VTA1: variants seen among roughly 807,000 people sequenced by gnomAD.
VTA1 encodes the protein vacuolar protein sorting-associated protein VTA1 homolog.
In VTA1, 24 loss-of-function variants were observed where a neutral mutation model predicts 36.9. That is an observed-to-expected ratio of 0.65 (90% CI 0.47 to 0.91). The LOEUF is 0.91. Among genes scored for constraint, VTA1 ranks in the 40% least tolerant of loss-of-function variants. The pLI is 0.00. For synonymous variants in VTA1, 142 were observed against 130.2 expected (o/e 1.09, Z -0.62); for missense variants, 393 against 377.2 (o/e 1.04, Z -0.35).
At chr6:142,164,554 A>T (rs768825040) in intron 1 of VTA1, among the ~76,000 whole-genome samples, 1 of 152,328 alleles carries the variant, frequency 6.6e-6, no homozygotes, top group Non-Finnish European at 1.5e-5. Flanking sequence ...CACAGATATG[A>T]TAAATAGGTA....
chr6:142,151,126 T>C lies in VTA1; in HGVS notation c.112+3727T>C, dbSNP rs543322437. 6.3e-4 allele frequency among the ~76,000 whole-genome samples: 96 copies of C among 152,218 alleles called. 1 individual carries two copies. Among genetic ancestry groups the C allele is most frequent in the African/African-American group, 2.1e-3 (86 of 41,526 alleles). On this transcript the variant is annotated intron_variant, in intron 1 of 7. Coordinates refer to ENST00000367630, the MANE Select transcript of VTA1 (RefSeq NM_016485.5). Reference sequence around the variant, plus strand: ...AGTTATTCTGCGATATTAGCAGCCATTGTTAGGTCATCTTGGATTTTATCA... The same window carrying C: ...AGTTATTCTGCGATATTAGCAGCCACTGTTAGGTCATCTTGGATTTTATCA...
intron 7 of VTA1, among the ~76,000 whole-genome samples, chr6:142,210,559 A>C (rs548400689): frequency 1.1e-4 from 16 of 152,346 alleles, no homozygotes; most frequent in African/African-American, 3.8e-4. Flanking sequence ...CAGAATATAT[A>C]AGGAACTCAG....
chr6:142,149,710 T>C (rs948522298), intron 1 of VTA1, among the ~76,000 whole-genome samples: 1 of 152,212 alleles, frequency 6.6e-6, no homozygotes, highest in Non-Finnish European at 1.5e-5. Context: ...AAAAATGTTA[T>C]CAATCATTGT....
At chr6:142,193,321 C>G (rs911829230) in intron 5 of VTA1, among the ~76,000 whole-genome samples, 4 of 152,072 alleles carry the variant, frequency 2.6e-5, no homozygotes, top group African/African-American at 7.2e-5. Context: ...GTTAACTGAT[C>G]ACTTGGGTAA....
At chr6:142,215,087 T>C (rs190315546) in intron 7 of VTA1, among the ~76,000 whole-genome samples, 2 of 152,328 alleles carry the variant, frequency 1.3e-5, no homozygotes, top group African/African-American at 4.8e-5. Flanking sequence ...TGTTTACTTT[T>C]TTACTTTTAC....
At chr6:142,184,448 C>T (rs971715541) in intron 4 of VTA1, among the ~76,000 whole-genome samples, 5 of 152,140 alleles carry the variant, frequency 3.3e-5, no homozygotes, top group East Asian at 3.8e-4. Flanking sequence ...TCAGTTATTG[C>T]GTGGTTTCAC....
intron 4 of VTA1, among the ~76,000 whole-genome samples, chr6:142,181,233 A>C (rs1342785600): frequency 6.9e-6 from 1 of 145,916 alleles, no homozygotes; most frequent in East Asian, 2.0e-4. Flanking sequence ...TCCCGGGTTC[A>C]TGCCATTCTC....
intron 1 of VTA1, among the ~76,000 whole-genome samples, chr6:142,162,313 C>G (rs1774826209): frequency 6.6e-6 from 1 of 152,118 alleles, no homozygotes; most frequent in African/African-American, 2.4e-5. Flanking sequence ...ATATTTCTTC[C>G]CAAAATTGAT....
intron 4 of VTA1, among the ~76,000 whole-genome samples, chr6:142,175,065 T>A (rs1165402532): frequency 6.6e-6 from 1 of 152,214 alleles, no homozygotes; most frequent in South Asian, 2.1e-4. Flanking sequence ...AACCGAAGCC[T>A]TCTGTGTGAT....
chr6:142,168,662 G>T (rs1387332364), intron 2 of VTA1, among the ~76,000 whole-genome samples: 1 of 150,880 alleles, frequency 6.6e-6, no homozygotes, highest in African/African-American at 2.4e-5. Flanking sequence ...TCCATAATTT[G>T]ATTCTGAGTT....
intron 7 of VTA1, among the ~76,000 whole-genome samples, chr6:142,214,383 G>C (rs1217688249): frequency 6.6e-6 from 1 of 152,132 alleles, no homozygotes; most frequent in Non-Finnish European, 1.5e-5. Context: ...AACAAGTCAC[G>C]TGGAAGGTGA....
intron 1 of VTA1, among the ~76,000 whole-genome samples, chr6:142,160,378 A>G (rs1007118979): frequency 6.6e-6 from 1 of 152,258 alleles, no homozygotes; most frequent in South Asian, 2.1e-4. Flanking sequence ...GGTTTTGTTC[A>G]TTCTTTGGCC....
intron 4 of VTA1, among the ~76,000 whole-genome samples, chr6:142,184,680 C>G (rs1175263195): frequency 6.6e-6 from 1 of 152,090 alleles, no homozygotes; most frequent in African/African-American, 2.4e-5. Context: ...GCAGGTAAGA[C>G]AGGAATCCAA....
At chr6:142,165,835 C>T (rs1030252708) in intron 1 of VTA1, among the ~76,000 whole-genome samples, 6 of 152,178 alleles carry the variant, frequency 3.9e-5, no homozygotes, top group Admixed American at 3.9e-4. Flanking sequence ...TCATTTCCCA[C>T]TATCCCAGCC....
rs1471429927 is a variant in VTA1 at position 142,181,094 on chromosome 6, A to AAATATATATAT, written c.412-8331_412-8330insATATATATATA. ...AATGGTACAGAAAAAAAAAAAAAAA[A>AAATATATATAT]ATATATATATATATATATATATACA... On this transcript the variant is annotated intron_variant, in intron 4 of 7. Transcript: ENST00000367630. 5.2e-4 allele frequency among the ~76,000 whole-genome samples: 19 copies of AAATATATATAT among 36,438 alleles called. 1 individual carries two copies. Among genetic ancestry groups the AAATATATATAT allele is most frequent in the Non-Finnish European group, 8.1e-4 (14 of 17,180 alleles). The allele number at this position is 36,438 out of a possible 152,430, so 23.9% of individuals were successfully genotyped here.
intron 4 of VTA1, 138 bp from the exon 5 acceptor site, chr6:142,189,288 G>C (rs916017302): frequency 7.8e-5 from 46 of 590,510 alleles, no homozygotes; most frequent in Non-Finnish European, 1.0e-4. Flanking sequence ...CAATAGGGTG[G>C]GGTATTGCCA....
intron 4 of VTA1, among the ~76,000 whole-genome samples, chr6:142,175,455 A>G (rs757230895): frequency 1.3e-5 from 2 of 152,016 alleles, no homozygotes; most frequent in Non-Finnish European, 2.9e-5. Flanking sequence ...GGTCTCACCT[A>G]TATTATTCTA....
chr6:142,210,624 A>C (rs776758427), intron 7 of VTA1, among the ~76,000 whole-genome samples: 23 of 152,184 alleles, frequency 1.5e-4, no homozygotes, highest in Non-Finnish European at 3.1e-4. Flanking sequence ...AAAAGATCTA[A>C]CATTTCGTAT....
intron 4 of VTA1, among the ~76,000 whole-genome samples, chr6:142,188,680 T>A (rs1245693892): frequency 6.6e-6 from 1 of 152,208 alleles, no homozygotes; most frequent in African/African-American, 2.4e-5. Context: ...ACGATGCCAC[T>A]ATAAAGGTCA....
Sources: allele counts gnomAD v4.1 joint callset (sites outside exome capture counted in the v4.1 genomes callset), GRCh38; gene constraint gnomAD v4.1.1; transcripts MANE v1.5; gene names NCBI Gene and HGNC (gene_info 2026-07-23, HGNC 2026-07-21).